Variants in ZNF28 observed in about 807,000 individuals in gnomAD.
ZNF28 encodes the protein zinc finger protein KOX24.
A neutral mutation model predicts 7.2 loss-of-function variants in ZNF28; 5 were observed. The observed-to-expected ratio is 0.70, with a 90% confidence interval of 0.36 to 1.46. ZNF28 has a LOEUF of 1.46. Among genes scored for constraint, ZNF28 ranks in the 40% most tolerant of loss-of-function variants. The pLI, the probability that ZNF28 is intolerant of heterozygous loss-of-function variation, is 0.03. For synonymous variants in ZNF28, 288 were observed against 292.4 expected (o/e 0.99, Z 0.15); for missense variants, 879 against 866.6 (o/e 1.01, Z -0.18).
intron 3 of ZNF28, among the ~76,000 whole-genome samples, chr19:52,807,282 A>C (rs1326074802): frequency 6.6e-6 from 1 of 152,222 alleles, no homozygotes; most frequent in Non-Finnish European, 1.5e-5. Context: ...TTCTGTAGGA[A>C]AGAAGACATT....
chr19:52,801,110 A>G lies in ZNF28; in HGVS notation c.735T>C (p.Cys245=). 1.2e-6 allele frequency: 2 copies of G among 1,614,136 alleles called. No homozygotes were observed. The highest frequency in any genetic ancestry group is 1.7e-6 in the Non-Finnish European group (2 of 1,180,008). The change falls in exon 4 of 4, where the codon TGT becomes TGC. Residue 245 remains cysteine (C), a synonymous_variant. Coordinates refer to ENST00000457749, the MANE Select transcript of ZNF28 (RefSeq NM_006969.5). ...ITHLEEKQCK[C]DVYGKVFNQK... is the part of the protein sequence containing the mutation. Reference sequence around the variant, plus strand: ...GATTAAATACCTTGCCATATACATCACATTTACATTGTTTCTCTTCTAAGT... The same window carrying G: ...GATTAAATACCTTGCCATATACATCGCATTTACATTGTTTCTCTTCTAAGT...
Position 52,797,560 on chromosome 19 carries a change from C to T in ZNF28, c.*2128G>A, listed in dbSNP as rs1207657294. On this transcript the variant is annotated 3_prime_UTR_variant, in exon 4 of 4. Transcript: ENST00000457749. ...ACCAAAAATTAGTTGAATTTCCATACATTAACATTAAATAATTTTAAAATA... is the reference window on the plus strand; with the variant it reads ...ACCAAAAATTAGTTGAATTTCCATATATTAACATTAAATAATTTTAAAATA... 1.3e-5 allele frequency: 2 copies of T among 152,244 alleles called. No homozygotes were observed. Among genetic ancestry groups the T allele is most frequent in the Non-Finnish European group, 2.9e-5 (2 of 68,026 alleles). 9.4% of individuals were successfully genotyped at this position (152,244 alleles called of 1,614,324 possible).
At chr19:52,809,187 A>G (rs760821373) in intron 2 of ZNF28, among the ~76,000 whole-genome samples, 4 of 152,214 alleles carry the variant, frequency 2.6e-5, no homozygotes, top group Non-Finnish European at 5.9e-5. Context: ...GAAATGCCCC[A>G]TCCTAGAAGA....
intron 1 of ZNF28, among the ~76,000 whole-genome samples, chr19:52,818,937 G>C (rs1378776984): frequency 1.5e-5 from 2 of 137,200 alleles, no homozygotes; most frequent in African/African-American, 5.7e-5. Context: ...ACAGAGATAA[G>C]AAGACTTGAG....
At chr19:52,817,860 A>G in intron 2 of ZNF28, 84 bp downstream of exon 2, 1 of 1,597,816 alleles carries the variant, frequency 6.3e-7, no homozygotes, top group Admixed American at 1.7e-5. Context: ...AGGACACTTC[A>G]GACTCAGAGA....
rs761929390 is a variant in ZNF28 at position 52,800,989 on chromosome 19, G to A, written c.856C>T (p.Leu286Phe). 5.6e-5 allele frequency: 91 copies of A among 1,614,128 alleles called. No individual in the cohort carries two copies. The highest frequency in any genetic ancestry group is 7.6e-5 in the Non-Finnish European group (90 of 1,180,002). ...CGKIFGHNTS[L>F]FLHKALHTAD... ...GTATGAAGCGCCTTGTGAAGGAAGAGGGATGTATTGTGACCAAAGATCTTG... is the reference window on the plus strand; with the variant it reads ...GTATGAAGCGCCTTGTGAAGGAAGAAGGATGTATTGTGACCAAAGATCTTG... Residue 286 changes from leucine to phenylalanine, a missense_variant, in exon 4 of 4, where the codon CTC becomes TTC. Around this residue, in one of 2 missense-constraint regions of ZNF28, gnomAD observed 864 missense variants for 830.2 expected, o/e 1.04. Coordinates refer to ENST00000457749, the MANE Select transcript of ZNF28 (RefSeq NM_006969.5).
At chr19:52,803,223 C>T (rs147654642) in intron 3 of ZNF28, among the ~76,000 whole-genome samples, 2 of 152,214 alleles carry the variant, frequency 1.3e-5, no homozygotes, top group Admixed American at 6.5e-5. Context: ...AATGCAGGCA[C>T]ATGCCACTGT....
chr19:52,810,540 GAC>G (rs2063006450), intron 2 of ZNF28: 3 of 1,596,778 alleles, frequency 1.9e-6, no homozygotes, highest in Non-Finnish European at 2.6e-6. Flanking sequence ...CGAACCAACA[GAC>G]CAGGCATCAG....
intron 2 of ZNF28, among the ~76,000 whole-genome samples, chr19:52,816,665 A>C (rs1030235381): frequency 2.2e-5 from 2 of 89,404 alleles, no homozygotes; most frequent in Non-Finnish European, 5.8e-5. Flanking sequence ...ACATCATCTC[A>C]AAAAAAGAAA....
rs1428011351 is a variant in ZNF28, at chr19:52,800,122, C to T, written c.1723G>A (p.Gly575Arg). 6.2e-7 allele frequency: 1 copy of T among 1,614,042 alleles called. No individual in the cohort carries two copies. Among genetic ancestry groups the T allele is most frequent in the Non-Finnish European group, 8.5e-7 (1 of 1,179,958 alleles). The change falls in exon 4 of 4, where the codon GGA becomes AGA. Residue 575 changes from glycine (G) to arginine (R), a missense_variant. By Grantham distance (125) the Gly-to-Arg change is moderately radical (BLOSUM62 -2). Around this residue, in one of 2 missense-constraint regions of ZNF28, gnomAD observed 864 missense variants for 830.2 expected, o/e 1.04. Transcript: ENST00000457749. The stretch of plus-strand genomic sequence containing the variant: ...ACCTTACATTTGTACGGTTTCTCTC[C>T]AGTATGAATCCTCCTATGTCTTTCC... ...HMERHRRIHT[G>R]EKPYKCKVCD...
chr19:52,807,811 C>T (rs746662458), intron 3 of ZNF28, 196 bp downstream of exon 3: 29 of 960,110 alleles, frequency 3.0e-5, no homozygotes, highest in Non-Finnish European at 4.3e-5. Flanking sequence ...CTTCTGGAAG[C>T]TCCACTGAGC....
chr19:52,806,389 T>A (rs2062937374), intron 3 of ZNF28, among the ~76,000 whole-genome samples: 1 of 152,034 alleles, frequency 6.6e-6, no homozygotes, highest in East Asian at 1.9e-4. Context: ...AGACGAAGTT[T>A]CAACATGTTA....
chr19:52,809,923 G>A lies in ZNF28; in HGVS notation c.16-1790C>T, dbSNP rs941669343. The A allele has an allele frequency of 2.5e-5, 21 of 845,794 alleles. 1 individual carries two copies. The highest frequency in any genetic ancestry group is 1.7e-4 in the African/African-American group (10 of 60,146). The allele number at this position is 845,794 out of a possible 1,614,324, so 52.4% of individuals were successfully genotyped here. The stretch of plus-strand genomic sequence containing the variant: ...CGCCATCTTGTGCCCGGGGCCGGTG[G>A]GGAGGCCGGGGAGGTTGCCCCGGGG... On this transcript the variant is annotated intron_variant, in intron 2 of 3. Coordinates refer to ENST00000457749, the MANE Select transcript of ZNF28 (RefSeq NM_006969.5).
rs1360146452 is a variant in ZNF28 at position 52,800,560 on chromosome 19, G to GTTTTT, written c.1284_1285insAAAAA (p.His429LysfsTer5). 6.2e-7 allele frequency: 1 copy of GTTTTT among 1,613,038 alleles called. No homozygotes were observed. The highest frequency in any genetic ancestry group is 8.5e-7 in the Non-Finnish European group (1 of 1,179,788). On this transcript the variant is annotated frameshift_variant, in exon 4 of 4. Transcript: ENST00000457749. LOFTEE classifies it low-confidence loss of function (END_TRUNC). ...TTCTCTCCAGTGTGAATTATACTATGTTTTGCCAGGTATGAATTATATGCA... is the reference window on the plus strand; with the variant it reads ...TTCTCTCCAGTGTGAATTATACTATGTTTTTTTTTGCCAGGTATGAATTATATGCA...
intron 3 of ZNF28, among the ~76,000 whole-genome samples, chr19:52,803,799 A>C (rs952794839): frequency 3.3e-5 from 5 of 152,108 alleles, no homozygotes; most frequent in South Asian, 2.1e-4. Context: ...TCTACTAAAA[A>C]TACAAAAAAA....
At chr19:52,810,039 C>T in intron 2 of ZNF28, 2 of 737,788 alleles carry the variant, frequency 2.7e-6, no homozygotes, top group Non-Finnish European at 4.9e-6. Flanking sequence ...GGAGCCGCTC[C>T]AGCCCCGCGC....
intron 2 of ZNF28, among the ~76,000 whole-genome samples, chr19:52,811,082 C>T (rs1245918801): frequency 1.3e-5 from 2 of 149,162 alleles, no homozygotes; most frequent in African/African-American, 2.5e-5. Flanking sequence ...TTGGTGGAGA[C>T]GGGGTTTCGC....
In ZNF28 at chr19:52,797,605, T is replaced by C. The variant is rs1600414618; in HGVS notation, c.*2083A>G. 6.5e-6 allele frequency: 1 copy of C among 153,596 alleles called. No individual in the cohort carries two copies. The allele number at this position is 153,596 out of a possible 1,614,324, so 9.5% of individuals were successfully genotyped here. A position where few individuals can be genotyped will look rare whatever the true frequency, so the allele number is the denominator to read the frequency against. On this transcript the variant is annotated 3_prime_UTR_variant, in exon 4 of 4. Coordinates refer to ENST00000457749, the MANE Select transcript of ZNF28 (RefSeq NM_006969.5). ...AAAATAAAATTAAAAACCACTTCCA[T>C]TTGCTAAAGAGCTTAAAGTAAGAAA...
chr19:52,813,606 G>A (rs2063084303), intron 2 of ZNF28, among the ~76,000 whole-genome samples: 1 of 145,262 alleles, frequency 6.9e-6, no homozygotes, highest in South Asian at 2.3e-4. Context: ...GTCCCTCCAG[G>A]TCTACCACCC....
Sources: allele counts gnomAD v4.1 joint callset (sites outside exome capture counted in the v4.1 genomes callset), GRCh38; gene constraint gnomAD v4.1.1; regional missense constraint gnomAD v4.1.1; transcripts MANE v1.5; gene names NCBI Gene and HGNC (gene_info 2026-07-23, HGNC 2026-07-21).